The following PARP12 variants were observed in gnomAD, a reference collection of about 807,000 sequenced individuals.
PARP12 encodes protein mono-ADP-ribosyltransferase PARP12.
In PARP12, 59 loss-of-function variants were observed where a neutral mutation model predicts 72.4. The ratio of observed to expected loss-of-function variants is 0.81; its 90% confidence interval spans 0.66 to 1.01. The LOEUF is 1.01. Ranked by LOEUF, PARP12 falls within the 50% of genes least tolerant of loss-of-function variation. The probability of loss-of-function intolerance (pLI) is 0.00; values close to 1 mark genes in which losing one functional copy is unlikely to be tolerated. For synonymous variants in PARP12, 403 were observed against 371.4 expected (o/e 1.09, Z -0.98); for missense variants, 851 against 914.0 (o/e 0.93, Z 0.89).
At chr7:140,043,735 T>C (rs183558849) in intron 5 of PARP12, among the ~76,000 whole-genome samples, 2 of 152,304 alleles carry the variant, frequency 1.3e-5, no homozygotes, top group East Asian at 3.9e-4. Context: ...TTTCACCATG[T>C]TGGCCAGGCT....
chr7:140,060,317 G>C (rs960565721), intron 1 of PARP12, among the ~76,000 whole-genome samples: 3 of 152,178 alleles, frequency 2.0e-5, no homozygotes, highest in African/African-American at 7.2e-5. Context: ...CTAAGAGTCA[G>C]GCACCCAGGA....
rs1815640578 is a variant in PARP12, at chr7:140,024,379, G to A, written c.*181C>T. 1 of 747,824 alleles carries A rather than the reference G, an allele frequency of 1.3e-6. No homozygotes were observed. Among genetic ancestry groups the A allele is most frequent in the Non-Finnish European group, 2.2e-6 (1 of 450,940 alleles). The allele number at this position is 747,824 out of a possible 1,614,324, so 46.3% of individuals were successfully genotyped here. On this transcript the variant is annotated 3_prime_UTR_variant, in exon 12 of 12. Coordinates refer to ENST00000263549, the MANE Select transcript of PARP12 (RefSeq NM_022750.4). Reference sequence around the variant, plus strand: ...AATCACTTCTGGTTAATCCACTAGTGAACCCAAAAGTGACTTAAAAGTAAA... The same window carrying A: ...AATCACTTCTGGTTAATCCACTAGTAAACCCAAAAGTGACTTAAAAGTAAA...
chr7:140,062,076 T>C (rs889986883), intron 1 of PARP12, among the ~76,000 whole-genome samples: 10 of 151,964 alleles, frequency 6.6e-5, no homozygotes, highest in Non-Finnish European at 4.4e-5. Flanking sequence ...GAGTCTGCAT[T>C]TTCCAGTTTG....
intron 10 of PARP12, among the ~76,000 whole-genome samples, chr7:140,026,563 C>T (rs1444188155): frequency 6.6e-6 from 1 of 152,188 alleles, no homozygotes; most frequent in Non-Finnish European, 1.5e-5. Context: ...GAAAACCCTC[C>T]CTCCACAGCT....
chr7:140,061,028 A>C (rs575763701), intron 1 of PARP12, among the ~76,000 whole-genome samples: 1 of 152,306 alleles, frequency 6.6e-6, no homozygotes, highest in South Asian at 2.1e-4. Flanking sequence ...ACAGAGACTG[A>C]AGAGTCGTCA....
At chr7:140,058,672 C>T (rs571108808) in intron 1 of PARP12, among the ~76,000 whole-genome samples, 1 of 152,294 alleles carries the variant, frequency 6.6e-6, no homozygotes, top group African/African-American at 2.4e-5. Flanking sequence ...AAATCGATTT[C>T]TGTCGTTTAA....
At chr7:140,055,085 C>T (rs1817126598) in intron 3 of PARP12, among the ~76,000 whole-genome samples, 1 of 152,196 alleles carries the variant, frequency 6.6e-6, no homozygotes, top group Non-Finnish European at 1.5e-5. Context: ...GACTTCACTC[C>T]AGACTGACTG....
chr7:140,044,371 G>A (rs563106493), intron 5 of PARP12, among the ~76,000 whole-genome samples: 2 of 152,288 alleles, frequency 1.3e-5, no homozygotes, highest in South Asian at 4.1e-4. Context: ...GTCCTTTTAA[G>A]ACGAGGGAAA....
At chr7:140,031,624 AGT>A (rs940015421) in intron 8 of PARP12, among the ~76,000 whole-genome samples, 1 of 152,202 alleles carries the variant, frequency 6.6e-6, no homozygotes, top group Non-Finnish European at 1.5e-5. Context: ...CTGTGTGAAC[AGT>A]GTGTGACACT....
At chr7:140,055,954 G>A (rs561791361) in intron 3 of PARP12, among the ~76,000 whole-genome samples, 3 of 152,240 alleles carry the variant, frequency 2.0e-5, no homozygotes, top group Non-Finnish European at 4.4e-5. Context: ...CTACAGCTGA[G>A]AGGGTTTGAT....
Position 140,034,344 on chromosome 7 carries a change from A to C in PARP12, c.1325-13T>G, listed in dbSNP as rs1816069472. The C allele has an allele frequency of 6.3e-7, 1 of 1,596,994 alleles. No individual in the cohort carries two copies. On this transcript the variant is annotated splice_polypyrimidine_tract_variant and intron_variant, in intron 7 of 11. Transcript: ENST00000263549. ...TTCTGAACGAAGGCTGAAAAAAAAC[A>C]TAACCAGTGAAAAAATATACATATA...
chr7:140,059,095 C>CAAA (rs112545653), intron 1 of PARP12, among the ~76,000 whole-genome samples: 1 of 95,310 alleles, frequency 1.0e-5, no homozygotes. Context: ...GACTCTGTCT[C>CAAA]AAAAAAAAAA....
intron 5 of PARP12, 127 bp downstream of exon 5, chr7:140,046,757 T>TGTGTCA (rs748540692): frequency 3.6e-6 from 3 of 833,546 alleles, no homozygotes; most frequent in Non-Finnish European, 5.4e-6. Context: ...TGTGTGTGTG[T>TGTGTCA]CACACACAGA....
Position 140,024,298 on chromosome 7 carries a change from A to C in PARP12, c.*262T>G. ...TGCCAATAAGCAGCAAAGTCAACAA[A>C]GAGTAAAAACTAAAACTTCAACACA... On this transcript the variant is annotated 3_prime_UTR_variant, in exon 12 of 12. Coordinates refer to ENST00000263549, the MANE Select transcript of PARP12 (RefSeq NM_022750.4). 1 of 474,390 alleles carries C rather than the reference A, an allele frequency of 2.1e-6. No homozygotes were observed. The highest frequency in any genetic ancestry group is 2.2e-5 in the South Asian group (1 of 46,324). 29.4% of individuals were successfully genotyped at this position (474,390 alleles called of 1,614,324 possible).
chr7:140,043,353 T>G (rs1374052038), intron 5 of PARP12, among the ~76,000 whole-genome samples: 2 of 152,040 alleles, frequency 1.3e-5, no homozygotes, highest in East Asian at 3.8e-4. Flanking sequence ...CAGATATACG[T>G]GATATGTTTT....
At chr7:140,030,319 C>T (rs1815890785) in intron 8 of PARP12, among the ~76,000 whole-genome samples, 1 of 152,214 alleles carries the variant, frequency 6.6e-6, no homozygotes, top group Non-Finnish European at 1.5e-5. Flanking sequence ...ACATGTTGGC[C>T]AGGCGCAGTG....
intron 8 of PARP12, chr7:140,033,595 A>C (rs922997142): frequency 2.0e-6 from 2 of 984,712 alleles, no homozygotes; most frequent in Non-Finnish European, 2.4e-6. Flanking sequence ...ATCCCATCCC[A>C]CCTCCCCAAG....
rs572661862 is a variant in PARP12, at chr7:140,026,390, G to A, written c.1629-42C>T. The A allele has an allele frequency of 3.6e-5, 57 of 1,582,804 alleles. 2 individuals carry two copies. In the South Asian group the frequency reaches 4.3e-4, roughly 12 times the overall value. On this transcript the variant is annotated intron_variant, in intron 10 of 11. Transcript: ENST00000263549. ...ATGTGTGCTGGGGGCAGAGTGTGCC[G>A]GCCACCAAATACAGCCGGCCTGATG...
chr7:140,030,691 C>T (rs1815908444), intron 8 of PARP12, among the ~76,000 whole-genome samples: 2 of 152,248 alleles, frequency 1.3e-5, no homozygotes, highest in Admixed American at 1.3e-4. Context: ...CGAAGGCAGC[C>T]TTGTCCAACC....
Sources: allele counts gnomAD v4.1 joint callset (sites outside exome capture counted in the v4.1 genomes callset), GRCh38; gene constraint gnomAD v4.1.1; transcripts MANE v1.5; gene names NCBI Gene and HGNC (gene_info 2026-07-23, HGNC 2026-07-21).